Variants in EGLN1 observed in about 807,000 individuals in gnomAD.
The protein encoded by EGLN1 is egl-9 family hypoxia inducible factor 1.
Under a neutral mutation model 38.3 loss-of-function variants are expected in EGLN1, and 17 were observed. The ratio of observed to expected loss-of-function variants is 0.44; its 90% CI spans 0.30 to 0.67. The LOEUF is 0.67. EGLN1 is among the 30% of genes least tolerant of loss of function. The pLI is 0.08. For missense variants in EGLN1, 477 were observed against 603.3 expected, an observed-to-expected ratio of 0.79 and a Z score of 2.19; for synonymous variants, 283 against 257.5, an observed-to-expected ratio of 1.10 and a Z score of -0.95.
At chr1:231,415,481 T>G (rs1019940718) in intron 1 of EGLN1, among the ~76,000 whole-genome samples, 5 of 152,018 alleles carry the variant, frequency 3.3e-5, no homozygotes, top group Admixed American at 1.3e-4. Flanking sequence ...GCAGGAAAAG[T>G]GGTTAGGTAA....
chr1:231,409,221 G>C (rs985257176), intron 1 of EGLN1, among the ~76,000 whole-genome samples: 3 of 138,502 alleles, frequency 2.2e-5, no homozygotes, highest in African/African-American at 8.1e-5. Flanking sequence ...TTAACCTTTA[G>C]AAGTCTTAGC....
At chr1:231,396,883 A>G (rs1688543055) in intron 1 of EGLN1, among the ~76,000 whole-genome samples, 1 of 152,116 alleles carries the variant, frequency 6.6e-6, no homozygotes, top group South Asian at 2.1e-4. Context: ...GCCCTACACA[A>G]TCAATCAAAT....
chr1:231,411,629 C>A (rs1036052349), intron 1 of EGLN1, among the ~76,000 whole-genome samples: 4 of 152,088 alleles, frequency 2.6e-5, no homozygotes, highest in Non-Finnish European at 4.4e-5. Flanking sequence ...TCATACCTGA[C>A]AATCTAATGT....
At chr1:231,388,029 G>A (rs1436326044) in intron 1 of EGLN1, among the ~76,000 whole-genome samples, 1 of 152,116 alleles carries the variant, frequency 6.6e-6, no homozygotes, top group Non-Finnish European at 1.5e-5. Flanking sequence ...ATCTACTGTA[G>A]GCAGATCTTT....
chr1:231,390,993 G>A lies in EGLN1; in HGVS notation c.892-16894C>T, dbSNP rs184808130. 2.6e-3 allele frequency among the ~76,000 whole-genome samples: 358 copies of A among 138,680 alleles called. 8 individuals carry two copies. Among genetic ancestry groups the A allele is most frequent in the African/African-American group, 7.9e-3 (308 of 39,118 alleles). The allele number at this position is 138,680 out of a possible 152,430, so 91.0% of individuals were successfully genotyped here. A position where few individuals can be genotyped will look rare whatever the true frequency, so the allele number is the denominator to read the frequency against. ...CTCCTGAGTAGCTGGGACTACAGAC[G>A]CAAGCCACCATGCCCGGCTAGTGTG... On this transcript the variant is annotated intron_variant, in intron 1 of 4. Coordinates refer to ENST00000366641, the MANE Select transcript of EGLN1 (RefSeq NM_022051.3).
intron 1 of EGLN1, among the ~76,000 whole-genome samples, chr1:231,403,978 C>T (rs1020093742): frequency 3.9e-5 from 6 of 151,924 alleles, no homozygotes; most frequent in Non-Finnish European, 5.9e-5. Context: ...TGTTTAACTT[C>T]ATTTCCTCAA....
intron 1 of EGLN1, among the ~76,000 whole-genome samples, chr1:231,377,929 CG>C (rs1338216664): frequency 6.6e-6 from 1 of 152,152 alleles, no homozygotes; most frequent in African/African-American, 2.4e-5. Flanking sequence ...TTAAATCTCA[CG>C]TTTTGAAGAA....
intron 4 of EGLN1, 134 bp from the exon 5 acceptor site, chr1:231,366,609 C>T (rs542706209): frequency 3.4e-6 from 3 of 895,012 alleles, no homozygotes; most frequent in African/African-American, 1.7e-5. Context: ...AACTATCACG[C>T]TTGTACTTCC....
intron 1 of EGLN1, among the ~76,000 whole-genome samples, chr1:231,394,733 C>T (rs183159215): frequency 6.6e-6 from 1 of 152,002 alleles, no homozygotes; most frequent in Admixed American, 6.6e-5. Flanking sequence ...TTTCTATGTA[C>T]TTACCTGAGA....
chr1:231,420,747 C>CA (rs1278062701), intron 1 of EGLN1, among the ~76,000 whole-genome samples: 1 of 152,058 alleles, frequency 6.6e-6, no homozygotes, highest in Non-Finnish European at 1.5e-5. Flanking sequence ...TACGTTGAGT[C>CA]AAAAAACCAT....
intron 1 of EGLN1, among the ~76,000 whole-genome samples, chr1:231,392,352 A>G (rs541127591): frequency 6.6e-6 from 1 of 152,290 alleles, no homozygotes; most frequent in South Asian, 2.1e-4. Flanking sequence ...AAAACTAAGA[A>G]CTTAATTTTA....
chr1:231,414,373 C>A (rs1316685326), intron 1 of EGLN1, among the ~76,000 whole-genome samples: 4 of 152,090 alleles, frequency 2.6e-5, no homozygotes, highest in Admixed American at 6.6e-5. Context: ...CAGAAAGGCA[C>A]AGGCTTCAGA....
Position 231,393,124 on chromosome 1 carries a change from A to G in EGLN1, c.892-19025T>C, listed in dbSNP as rs980815504. On this transcript the variant is annotated intron_variant, in intron 1 of 4. Transcript: ENST00000366641. ...AAACTATTAGGGCCATCTTGTTGTC[A>G]TATCAGGGAGCTTACAAGAGAATAA... Among the ~76,000 whole-genome samples the G allele has an allele frequency of 2.0e-5, 3 of 152,310 alleles. No individual in the cohort carries two copies. The East Asian group carries it at 5.8e-4, about 29-fold the overall frequency.
chr1:231,372,894 A>T (rs1485607187), intron 2 of EGLN1, among the ~76,000 whole-genome samples: 1 of 152,172 alleles, frequency 6.6e-6, no homozygotes, highest in Non-Finnish European at 1.5e-5. Flanking sequence ...AGGTTTTTTA[A>T]AGGTTATTTG....
At chr1:231,410,828 C>A (rs1688920772) in intron 1 of EGLN1, among the ~76,000 whole-genome samples, 1 of 129,614 alleles carries the variant, frequency 7.7e-6, no homozygotes, top group South Asian at 2.4e-4. Flanking sequence ...AGAGCTATTG[C>A]AGCAGTAAAA....
intron 1 of EGLN1, among the ~76,000 whole-genome samples, chr1:231,390,853 A>T (rs1471639949): frequency 6.7e-6 from 1 of 148,338 alleles, no homozygotes; most frequent in Non-Finnish European, 1.5e-5. Flanking sequence ...ACTATTATTA[A>T]TTTTTTTTTT....
intron 1 of EGLN1, among the ~76,000 whole-genome samples, chr1:231,391,122 G>A (rs1230885585): frequency 6.6e-6 from 1 of 151,610 alleles, no homozygotes; most frequent in African/African-American, 2.4e-5. Flanking sequence ...GTGTGTGTGT[G>A]TGTGTGTGTG....
At chr1:231,387,797 TGTCA>T (rs1260340006) in intron 1 of EGLN1, among the ~76,000 whole-genome samples, 3 of 152,234 alleles carry the variant, frequency 2.0e-5, no homozygotes, top group African/African-American at 4.8e-5. Context: ...TCAGGCATAC[TGTCA>T]GTAACTACCA....
chr1:231,370,086 CTACTT>C (rs1234024190), intron 3 of EGLN1, among the ~76,000 whole-genome samples: 3 of 152,182 alleles, frequency 2.0e-5, no homozygotes, highest in African/African-American at 7.2e-5. Flanking sequence ...AACCTGTTCT[CTACTT>C]TTCTTTCTTC....
Sources: gnomAD v4.1 joint callset for allele counts (sites outside exome capture counted in the v4.1 genomes callset) on GRCh38, gnomAD v4.1.1 for gene constraint, MANE v1.5 for transcripts, NCBI Gene and HGNC (gene_info 2026-07-23, HGNC 2026-07-21) for gene names.